CHLSN: variants seen among roughly 807,000 people sequenced by gnomAD.
The protein encoded by CHLSN is protein cholesin.
chr7:1,039,158 CG>C, the CHLSN span, among the ~76,000 whole-genome samples: 2 of 30,354 alleles, frequency 6.6e-5, no homozygotes, highest in African/African-American at 4.5e-4. Flanking sequence ...CCCCTCTGCC[CG>C]GCCAGCCGCC....
At chr7:1,042,929 GCTAA>G in the CHLSN span, among the ~76,000 whole-genome samples, 1 of 152,022 alleles carries the variant, frequency 6.6e-6, no homozygotes, top group African/African-American at 2.4e-5. Context: ...TGTGACCTGG[GCTAA>G]GTTGCTTAAG....
chr7:1,136,493 CAT>C, the CHLSN span, among the ~76,000 whole-genome samples: 14 of 100,158 alleles, frequency 1.4e-4, no homozygotes, highest in Non-Finnish European at 2.2e-4. Context: ...CATATATAAA[CAT>C]ATAAATATAT....
the CHLSN span, chr7:1,024,392 G>A: frequency 5.9e-5 from 9 of 152,218 alleles, no homozygotes; most frequent in African/African-American, 1.2e-4. Context: ...CGATGTAGGC[G>A]GGTTGCAATA....
the CHLSN span, chr7:1,045,665 G>C: frequency 6.6e-6 from 1 of 152,386 alleles, no homozygotes; most frequent in South Asian, 2.1e-4. Flanking sequence ...CAGTACCCAT[G>C]ACCTGCTGTG....
chr7:1,117,257 AC>A, the CHLSN span, among the ~76,000 whole-genome samples: 2 of 68,636 alleles, frequency 2.9e-5, no homozygotes, highest in East Asian at 3.5e-4. Flanking sequence ...CTACAGCTCT[AC>A]GGACCGGCTT....
At chr7:1,053,430 C>T in the CHLSN span, among the ~76,000 whole-genome samples, 7 of 152,208 alleles carry the variant, frequency 4.6e-5, no homozygotes, top group African/African-American at 1.2e-4. Context: ...GCACGCGTCA[C>T]GAGTCTCCTG....
chr7:1,104,787 C>T, the CHLSN span, among the ~76,000 whole-genome samples: 1 of 152,176 alleles, frequency 6.6e-6, no homozygotes, highest in Non-Finnish European at 1.5e-5. Flanking sequence ...TTGAAAAGAC[C>T]GTACAAATAT....
At chr7:1,097,079 T>A in the CHLSN span, among the ~76,000 whole-genome samples, 1 of 152,174 alleles carries the variant, frequency 6.6e-6, no homozygotes, top group Non-Finnish European at 1.5e-5. The surrounding 1 kb of genome is among the most constrained non-coding windows in gnomAD (Gnocchi z 4.3). Context: ...GGGTCAGGGC[T>A]GAGGACAAGG....
chr7:1,000,614 C>CCCGGGCAG, the CHLSN span: 1 of 1,379,780 alleles, frequency 7.2e-7, no homozygotes, highest in Non-Finnish European at 1.0e-6. Flanking sequence ...AGCTGTCTGC[C>CCCGGGCAG]CTGAGAGATC....
chr7:1,048,856 T>C, the CHLSN span, among the ~76,000 whole-genome samples: 1 of 152,190 alleles, frequency 6.6e-6, no homozygotes. Flanking sequence ...AGGTTCTCCT[T>C]CTCAGTCCCA....
chr7:1,124,333 T>A, the CHLSN span, among the ~76,000 whole-genome samples: 1 of 151,392 alleles, frequency 6.6e-6, no homozygotes, highest in South Asian at 2.1e-4. Context: ...GGAGGAGGGT[T>A]CACCAAGAAG....
At chr7:1,048,906 G>A in the CHLSN span, among the ~76,000 whole-genome samples, 1 of 152,356 alleles carries the variant, frequency 6.6e-6, no homozygotes, top group East Asian at 1.9e-4. Context: ...AGGGAAGCAA[G>A]TGTTTATACT....
the CHLSN span, among the ~76,000 whole-genome samples, chr7:1,004,018 T>A: frequency 6.6e-6 from 1 of 150,810 alleles, no homozygotes; most frequent in Admixed American, 6.6e-5. Flanking sequence ...AGTGGAGTCC[T>A]GCGGGTGGGG....
chr7:997,089 C>T, the CHLSN span: 1 of 152,576 alleles, frequency 6.6e-6, no homozygotes, highest in African/African-American at 2.4e-5. Context: ...CAAGCTCCCA[C>T]CAGGGGCTCC....
At chr7:1,129,748 C>T in the CHLSN span, among the ~76,000 whole-genome samples, 4 of 152,150 alleles carry the variant, frequency 2.6e-5, no homozygotes, top group South Asian at 4.2e-4. Flanking sequence ...CAGCCCCGTT[C>T]GGTCTTTTTT....
the CHLSN span, chr7:1,077,702 G>C: frequency 6.6e-6 from 1 of 152,316 alleles, no homozygotes; most frequent in South Asian, 2.1e-4. Flanking sequence ...CGCTGCTTAC[G>C]TGCATTGAGT....
chr7:1,085,392 C>T, the CHLSN span, among the ~76,000 whole-genome samples: 45 of 152,302 alleles, frequency 3.0e-4, no homozygotes, highest in African/African-American at 9.9e-4. Context: ...CAGAGTCAGC[C>T]GGCCCCTCCC....
chr7:998,742 G>A, the CHLSN span, among the ~76,000 whole-genome samples: 12 of 152,230 alleles, frequency 7.9e-5, no homozygotes, highest in Admixed American at 7.2e-4. Context: ...CACCACGCCC[G>A]GCTACACAGT....
At chr7:1,093,331 G>A in the CHLSN span, 11 of 422,390 alleles carry the variant, frequency 2.6e-5, no homozygotes, top group East Asian at 1.4e-4. Context: ...TGAGCTGGAC[G>A]TCGCGGTGTG....
Sources: gnomAD v4.1 joint callset for allele counts (sites outside exome capture counted in the v4.1 genomes callset) on GRCh38, gnomAD v4.1.1 for gene constraint, Gnocchi (gnomAD v3.1) non-coding constraint, MANE v1.5 for transcripts, NCBI Gene and HGNC (gene_info 2026-07-23, HGNC 2026-07-21) for gene names.